CAMTA1: variants seen among roughly 807,000 people sequenced by gnomAD.
CAMTA1 encodes the protein calmodulin binding transcription activator 1, also known as calmodulin-binding transcription activator 1.
In CAMTA1, 27 loss-of-function variants were observed where a neutral mutation model predicts 170.9. The observed-to-expected ratio is 0.16, with a 90% CI of 0.12 to 0.22. CAMTA1 has a LOEUF of 0.22. Among genes scored for constraint, CAMTA1 ranks in the 10% least tolerant of loss-of-function variants. The pLI is 1.00. For synonymous variants in CAMTA1, 833 were observed against 891.5 expected, an observed-to-expected ratio of 0.93 and a Z score of 1.17; for missense variants, 1,619 against 2,217.2, an observed-to-expected ratio of 0.73 and a Z score of 5.42.
chr1:7,629,951 G>A lies in CAMTA1; in HGVS notation c.511-10449G>A, dbSNP rs192531843. ...TCATCCTGAGCCTCTCGCCCTGCAC[G>A]TCACTGCCCTGGGATACATCTGTAG... On this transcript the variant is annotated intron_variant, in intron 6 of 22. Coordinates refer to ENST00000303635, the MANE Select transcript of CAMTA1 (RefSeq NM_015215.4). Among the ~76,000 whole-genome samples, 32 of 152,176 alleles carry A rather than the reference G, an allele frequency of 2.1e-4. 1 individual carries two copies. In the East Asian group the frequency reaches 5.4e-3, roughly 26 times the overall value.
intron 5 of CAMTA1, among the ~76,000 whole-genome samples, chr1:7,383,435 C>A (rs2149079877): frequency 6.6e-6 from 1 of 152,322 alleles, no homozygotes. Flanking sequence ...CCGGTTAAAA[C>A]CCTGGTCCTG....
chr1:7,766,478 G>A lies in CAMTA1; in HGVS notation c.5009G>A (p.Gly1670Asp), dbSNP rs377682208. Residue 1670 changes from glycine (G) to aspartate (D), a missense_variant, in exon 23 of 23, where the codon GGC becomes GAC. Around this residue, in one of 8 missense-constraint regions of CAMTA1, gnomAD observed 128 missense variants for 213.5 expected, o/e 0.60. Coordinates refer to ENST00000303635, the MANE Select transcript of CAMTA1 (RefSeq NM_015215.4). ...TTCCAGAGTGAAAGAATTGAAAAAGGCCAAGGAACTTGAAGACATACAGCA... is the reference window on the plus strand; with the variant it reads ...TTCCAGAGTGAAAGAATTGAAAAAGACCAAGGAACTTGAAGACATACAGCA... ...LYKRSERIEK[G>D]QGT is the part of the protein sequence containing the mutation. The A allele has an allele frequency of 4.3e-6, 7 of 1,613,962 alleles. No homozygotes were observed. The African/African-American group carries it at 6.7e-5, about 15-fold the overall frequency.
chr1:7,024,442 G>A (rs1017020196), intron 3 of CAMTA1, among the ~76,000 whole-genome samples: 3 of 152,218 alleles, frequency 2.0e-5, no homozygotes, highest in African/African-American at 7.2e-5. Context: ...ATGCAAGATA[G>A]GGGCTGGCCT....
chr1:6,926,605 T>C (rs1029814980), intron 3 of CAMTA1, among the ~76,000 whole-genome samples: 12 of 136,060 alleles, frequency 8.8e-5, no homozygotes, highest in Non-Finnish European at 1.8e-4. Flanking sequence ...TTCCTCTCTC[T>C]CTCATTCTTT....
chr1:7,677,371 AC>A (rs2096132469), intron 10 of CAMTA1, among the ~76,000 whole-genome samples: 1 of 152,270 alleles, frequency 6.6e-6, no homozygotes, highest in Non-Finnish European at 1.5e-5. Flanking sequence ...GCAGTTACGT[AC>A]CTGGGAGTGA....
At chr1:6,967,940 T>C (rs1439926074) in intron 3 of CAMTA1, among the ~76,000 whole-genome samples, 2 of 152,252 alleles carry the variant, frequency 1.3e-5, no homozygotes, top group African/African-American at 2.4e-5. Context: ...TGAGGTCTCT[T>C]GGTTTTCTCA....
At chr1:7,654,595 T>TAC (rs145380920) in intron 7 of CAMTA1, among the ~76,000 whole-genome samples, 2 of 139,700 alleles carry the variant, frequency 1.4e-5, no homozygotes, top group Non-Finnish European at 3.1e-5. Flanking sequence ...CACACAGCTA[T>TAC]ACACACACAC....
rs1430672272 is a variant in CAMTA1, at chr1:7,041,950, TC to T, written c.235-49353del. 1.3e-5 allele frequency among the ~76,000 whole-genome samples: 2 copies of T among 152,178 alleles called. No individual in the cohort carries two copies. The highest frequency in any genetic ancestry group is 4.8e-5 in the African/African-American group (2 of 41,442). ...GTCTGAATGCTCTGATCTGGAAGCT[TC>T]TAGAAGCTCCTAGAATGGGTTGAGG... On this transcript the variant is annotated intron_variant, in intron 3 of 22. Transcript: ENST00000303635. The surrounding 1 kb of genome is among the most constrained non-coding windows in gnomAD (Gnocchi z 5.1).
chr1:7,627,702 C>T (rs1290086430), intron 6 of CAMTA1, among the ~76,000 whole-genome samples: 1 of 152,240 alleles, frequency 6.6e-6, no homozygotes, highest in Non-Finnish European at 1.5e-5. Context: ...ATCAGATAGA[C>T]CTGGGCTTAA....
chr1:7,481,928 G>C (rs1424322554), intron 6 of CAMTA1, among the ~76,000 whole-genome samples: 1 of 151,954 alleles, frequency 6.6e-6, no homozygotes, highest in Non-Finnish European at 1.5e-5. Flanking sequence ...CCCACATCAA[G>C]ATTTGGAACA....
At chr1:7,717,239 C>T (rs1482643650) in intron 11 of CAMTA1, among the ~76,000 whole-genome samples, 1 of 152,066 alleles carries the variant, frequency 6.6e-6, no homozygotes, top group South Asian at 2.1e-4. Context: ...TATTCCTGAA[C>T]ATTGCTAAGA....
At chr1:7,047,826 G>A (rs1003149093) in intron 3 of CAMTA1, among the ~76,000 whole-genome samples, 2 of 151,926 alleles carry the variant, frequency 1.3e-5, no homozygotes, top group African/African-American at 4.8e-5. Flanking sequence ...ATCCGAGCAG[G>A]GGATATGCCT....
chr1:7,027,561 G>A (rs192126456), intron 3 of CAMTA1, among the ~76,000 whole-genome samples: 74 of 152,252 alleles, frequency 4.9e-4, no homozygotes, highest in African/African-American at 1.7e-3. Context: ...TGGCAGATGC[G>A]GTGACGCCCT....
At chr1:6,897,434 A>C (rs1675880799) in intron 3 of CAMTA1, among the ~76,000 whole-genome samples, 1 of 49,232 alleles carries the variant, frequency 2.0e-5, no homozygotes, top group Admixed American at 2.5e-4. Flanking sequence ...AGTTAGTGCA[A>C]ACTCAATAAG....
chr1:7,043,941 G>C (rs1704925289), intron 3 of CAMTA1, among the ~76,000 whole-genome samples: 1 of 152,222 alleles, frequency 6.6e-6, no homozygotes, highest in Non-Finnish European at 1.5e-5. Flanking sequence ...CCAGGGGAGA[G>C]GGTGGTTCTG....
intron 3 of CAMTA1, among the ~76,000 whole-genome samples, chr1:7,011,721 C>A (rs1280348366): frequency 6.6e-6 from 1 of 152,198 alleles, no homozygotes; most frequent in African/African-American, 2.4e-5. Context: ...CCACGTCCCC[C>A]ACTACAGTGT....
chr1:7,264,763 GA>G (rs1190142281), intron 5 of CAMTA1, among the ~76,000 whole-genome samples: 3 of 152,232 alleles, frequency 2.0e-5, no homozygotes, highest in Admixed American at 1.3e-4. Context: ...TCTGAAAGGG[GA>G]AAAAATATCG....
intron 9 of CAMTA1, among the ~76,000 whole-genome samples, chr1:7,669,075 G>T (rs1427841966): frequency 1.3e-5 from 2 of 152,170 alleles, no homozygotes; most frequent in Non-Finnish European, 2.9e-5. Context: ...GGTCAGAAGG[G>T]CCCCTAGCAA....
At chr1:6,785,858 C>T (rs1222521190) in intron 1 of CAMTA1, among the ~76,000 whole-genome samples, 1 of 146,114 alleles carries the variant, frequency 6.8e-6, no homozygotes, top group Non-Finnish European at 1.5e-5. Context: ...GGGGACCGGG[C>T]CCAGCGAGGA....
Sources: allele counts gnomAD v4.1 joint callset (sites outside exome capture counted in the v4.1 genomes callset), GRCh38; gene constraint gnomAD v4.1.1; regional missense constraint gnomAD v4.1.1; non-coding constraint Gnocchi (gnomAD v3.1); transcripts MANE v1.5; gene names NCBI Gene and HGNC (gene_info 2026-07-23, HGNC 2026-07-21).